SEC24B: variants seen among roughly 807,000 people sequenced by gnomAD.
SEC24B encodes protein transport protein Sec24B.
A neutral mutation model predicts 142.8 loss-of-function variants in SEC24B; 45 were observed. The ratio of observed to expected loss-of-function variants is 0.32; its 90% CI spans 0.25 to 0.40. The LOEUF is 0.40. SEC24B is among the 10% of genes least tolerant of loss of function. The pLI is 1.00. For synonymous variants in SEC24B, 574 were observed against 568.2 expected (o/e 1.01, Z -0.15); for missense variants, 1,409 against 1,526.8 (o/e 0.92, Z 1.29).
At chr4:109,508,712 C>T (rs1736987889) in intron 7 of SEC24B, among the ~76,000 whole-genome samples, 1 of 152,144 alleles carries the variant, frequency 6.6e-6, no homozygotes, top group South Asian at 2.1e-4. Flanking sequence ...ATTAGGAGTA[C>T]AGGCTTTAGA....
chr4:109,461,028 C>T (rs181996671), intron 1 of SEC24B, among the ~76,000 whole-genome samples: 235 of 152,094 alleles, frequency 1.5e-3, no homozygotes, highest in African/African-American at 5.5e-3. Flanking sequence ...GAAAACATAA[C>T]AGTAACCTGG....
rs1292708591 is a variant in SEC24B, at chr4:109,524,806, C to A, written c.2509-12C>A. On this transcript the variant is annotated splice_polypyrimidine_tract_variant and intron_variant, in intron 14 of 23. Coordinates refer to ENST00000265175, the MANE Select transcript of SEC24B (RefSeq NM_006323.5). ...AGATTGCTAGCTCTTACTATATGATCTGTTGACTTAGGTGGTACAACATCT... is the reference window on the plus strand; with the variant it reads ...AGATTGCTAGCTCTTACTATATGATATGTTGACTTAGGTGGTACAACATCT... 1 of 1,603,784 alleles carries A rather than the reference C, an allele frequency of 6.2e-7. No individual in the cohort carries two copies. Among genetic ancestry groups the A allele is most frequent in the Non-Finnish European group, 8.5e-7 (1 of 1,175,642 alleles).
intron 1 of SEC24B, among the ~76,000 whole-genome samples, chr4:109,440,120 CAAAAA>C (rs765506866): frequency 1.1e-5 from 1 of 92,612 alleles, no homozygotes. Flanking sequence ...GACTTCGTCG[CAAAAA>C]AAAAAAAAAG....
At chr4:109,511,698 A>G (rs547681024) in intron 8 of SEC24B, among the ~76,000 whole-genome samples, 25 of 152,328 alleles carry the variant, frequency 1.6e-4, no homozygotes, top group African/African-American at 4.8e-4. Flanking sequence ...AGTTAAACTG[A>G]TAAGATCTCA....
chr4:109,487,488 G>A (rs1440657603), intron 4 of SEC24B, among the ~76,000 whole-genome samples: 2 of 152,188 alleles, frequency 1.3e-5, no homozygotes, highest in Non-Finnish European at 2.9e-5. Flanking sequence ...TTTGAAGTTT[G>A]TTTTATGACA....
At chr4:109,495,664 C>T (rs1241646331) in intron 6 of SEC24B, among the ~76,000 whole-genome samples, 1 of 152,164 alleles carries the variant, frequency 6.6e-6, no homozygotes, top group African/African-American at 2.4e-5. Flanking sequence ...TTGCCCTACC[C>T]TAATCTTATT....
chr4:109,521,026 A>G (rs1723552598), intron 12 of SEC24B, 91 bp from the exon 13 acceptor site: 1 of 777,068 alleles, frequency 1.3e-6, no homozygotes, highest in Admixed American at 2.5e-5. Flanking sequence ...AAATTATAGT[A>G]CACATTACAT....
intron 1 of SEC24B, among the ~76,000 whole-genome samples, chr4:109,447,307 T>C (rs916653675): frequency 6.7e-6 from 1 of 150,018 alleles, no homozygotes; most frequent in Non-Finnish European, 1.5e-5. Context: ...GTGGCATTCT[T>C]AAAGGAATTA....
At chr4:109,488,619 A>G (rs1734641562) in intron 4 of SEC24B, 1 of 154,874 alleles carries the variant, frequency 6.5e-6, no homozygotes, top group Admixed American at 6.5e-5. Flanking sequence ...ATTTCTCTTG[A>G]GTAGAATTGC....
chr4:109,474,166 G>A (rs1231876017), intron 3 of SEC24B, among the ~76,000 whole-genome samples: 1 of 152,138 alleles, frequency 6.6e-6, no homozygotes, highest in Non-Finnish European at 1.5e-5. Context: ...ACCAAAGAGT[G>A]CCTGTTGATT....
intron 1 of SEC24B, among the ~76,000 whole-genome samples, chr4:109,434,704 G>A (rs1361384433): frequency 6.6e-6 from 1 of 152,244 alleles, no homozygotes; most frequent in Admixed American, 6.5e-5. Context: ...GGGAGCAGAT[G>A]TAAACGGATT....
Position 109,472,947 on chromosome 4 carries a change from A to G in SEC24B, c.878-57A>G, listed in dbSNP as rs950708318. The G allele has an allele frequency of 3.4e-5, 27 of 790,020 alleles. 1 individual carries two copies. The highest frequency in any genetic ancestry group is 4.6e-5 in the Non-Finnish European group (25 of 545,140). 48.9% of individuals were successfully genotyped at this position (790,020 alleles called of 1,614,324 possible). A position where few individuals can be genotyped will look rare whatever the true frequency, so the allele number is the denominator to read the frequency against. ...TATATATAGTATTGTATGTGGTACT[A>G]TATTATATATTAATATATTTCAAGT... On this transcript the variant is annotated intron_variant, in intron 2 of 23. Transcript: ENST00000265175.
intron 2 of SEC24B, 129 bp downstream of exon 2, chr4:109,463,773 G>T: frequency 7.1e-7 from 1 of 1,402,630 alleles, no homozygotes; most frequent in Admixed American, 2.7e-5. Context: ...AATTTATTGT[G>T]GCTTTTTGTA....
chr4:109,452,030 A>G (rs2125911254), intron 1 of SEC24B, among the ~76,000 whole-genome samples: 1 of 151,972 alleles, frequency 6.6e-6, no homozygotes, highest in South Asian at 2.1e-4. Flanking sequence ...GTAATCATGT[A>G]TCTATTATGC....
At chr4:109,487,475 A>G (rs184663973) in intron 4 of SEC24B, among the ~76,000 whole-genome samples, 2 of 152,280 alleles carry the variant, frequency 1.3e-5, no homozygotes, top group East Asian at 3.9e-4. Context: ...GTAGAAGCCA[A>G]ATTTTGAAGT....
At chr4:109,512,141 A>G (rs1410321324) in intron 9 of SEC24B, 58 bp downstream of exon 9, 1 of 1,442,536 alleles carries the variant, frequency 6.9e-7, no homozygotes. Context: ...TTTTTTTGAG[A>G]TTTTTGTCAT....
At chr4:109,454,538 CAAA>C (rs540899392) in intron 1 of SEC24B, among the ~76,000 whole-genome samples, 2 of 125,836 alleles carry the variant, frequency 1.6e-5, no homozygotes, top group African/African-American at 2.7e-5. Flanking sequence ...ATTCTGTCTC[CAAA>C]AAAAAAAAAA....
At position 109,463,068 on chromosome 4, in the gene SEC24B, A is replaced by G. The variant is rs1226286883; in HGVS notation, c.301A>G (p.Asn101Asp). Residue 101 changes from asparagine (N) to aspartate (D), a missense_variant, in exon 2 of 24, where the codon AAT becomes GAT. Asn to Asp is a conservative substitution (Grantham distance 23). This residue lies in a region of SEC24B where 709 missense variants were observed against 673.5 expected (regional missense o/e 1.05). Transcript: ENST00000265175. ...TGCTCTCTATACAGTACCAACACAA[A>G]ATGTGACTCCTAACACAGTGAACCA... ...YSALYTVPTQNVTPNTVNQQP... is the reference protein window; with the variant it reads ...YSALYTVPTQDVTPNTVNQQP... The G allele has an allele frequency of 3.1e-6, 5 of 1,614,004 alleles. No individual in the cohort carries two copies. Among genetic ancestry groups the G allele is most frequent in the Non-Finnish European group, 4.2e-6 (5 of 1,180,018 alleles).
intron 1 of SEC24B, among the ~76,000 whole-genome samples, chr4:109,447,717 A>G (rs1431411365): frequency 6.6e-6 from 1 of 152,090 alleles, no homozygotes; most frequent in Non-Finnish European, 1.5e-5. Context: ...ATAAAGCAGG[A>G]GTGGTAAGCA....
Sources: gnomAD v4.1 joint callset for allele counts (sites outside exome capture counted in the v4.1 genomes callset) on GRCh38, gnomAD v4.1.1 for gene constraint, gnomAD v4.1.1 regional missense constraint, MANE v1.5 for transcripts, NCBI Gene and HGNC (gene_info 2026-07-23, HGNC 2026-07-21) for gene names.